Variants in TANK observed in about 807,000 individuals in gnomAD.
The protein encoded by TANK is TRAF family member-associated NF-kappa-B activator.
TANK carries 15 observed loss-of-function variants against 43.6 expected under a neutral mutation model. That is an observed-to-expected ratio of 0.34 (90% CI 0.23 to 0.53). TANK has a LOEUF of 0.53. TANK is among the 20% of genes least tolerant of loss of function. The pLI is 0.94. For synonymous variants in TANK, 162 were observed against 178.2 expected, an observed-to-expected ratio of 0.91 and a Z score of 0.73; for missense variants, 417 against 498.6, an observed-to-expected ratio of 0.84 and a Z score of 1.56.
intron 1 of TANK, among the ~76,000 whole-genome samples, chr2:161,167,492 T>C (rs866603145): frequency 4.6e-5 from 7 of 152,214 alleles, no homozygotes; most frequent in Middle Eastern, 6.8e-3. Context: ...CCTAAAGAAA[T>C]GGAGGCAAAA....
intron 4 of TANK, among the ~76,000 whole-genome samples, chr2:161,208,771 A>T (rs546002219): frequency 6.6e-6 from 1 of 152,104 alleles, no homozygotes; most frequent in Non-Finnish European, 1.5e-5. Context: ...AGCTAACTTC[A>T]CTCAAAGTAA....
intron 2 of TANK, among the ~76,000 whole-genome samples, chr2:161,194,980 A>C (rs1686080758): frequency 6.6e-6 from 1 of 152,170 alleles, no homozygotes; most frequent in South Asian, 2.1e-4. Context: ...TTTCTGATCA[A>C]AGCTTTATTT....
chr2:161,205,374 TGTGTGTGTGTG>T (rs1316959172), intron 4 of TANK, among the ~76,000 whole-genome samples: 3 of 151,934 alleles, frequency 2.0e-5, no homozygotes, highest in East Asian at 3.9e-4. Flanking sequence ...TGTACATATA[TGTGTGTGTGTG>T]GTGTGTGTGT....
At chr2:161,182,671 A>G (rs1456343801) in intron 2 of TANK, among the ~76,000 whole-genome samples, 1 of 152,110 alleles carries the variant, frequency 6.6e-6, no homozygotes, top group African/African-American at 2.4e-5. Context: ...AAGTTCCCTG[A>G]ACCCTGTCCT....
At chr2:161,232,046 T>C (rs1365688218) in intron 7 of TANK, among the ~76,000 whole-genome samples, 2 of 152,216 alleles carry the variant, frequency 1.3e-5, no homozygotes, top group Non-Finnish European at 2.9e-5. Context: ...AGTTATATAG[T>C]ACACAGATCT....
chr2:161,155,992 A>C (rs1684215257), upstream of TANK: 1 of 937,632 alleles, frequency 1.1e-6, no homozygotes, highest in African/African-American at 1.8e-5. Context: ...TTAATATTGA[A>C]ATTTTTAACA....
In TANK at chr2:161,235,635, G is replaced by T; in HGVS notation, c.*117G>T. ...ATTTATAGGAAAATCTAGTTTCACA[G>T]CTATTTGAATTTTTTTCTGGATTTA... On this transcript the variant is annotated 3_prime_UTR_variant, in exon 8 of 8. Coordinates refer to ENST00000392749, the MANE Select transcript of TANK (RefSeq NM_001199135.3). 1.2e-6 allele frequency: 1 copy of T among 823,728 alleles called. No individual in the cohort carries two copies. The highest frequency in any genetic ancestry group is 1.7e-6 in the Non-Finnish European group (1 of 576,832). 51.0% of individuals were successfully genotyped at this position (823,728 alleles called of 1,614,324 possible).
intron 7 of TANK, among the ~76,000 whole-genome samples, chr2:161,235,034 C>T (rs1029629458): frequency 6.7e-6 from 1 of 149,662 alleles, no homozygotes; most frequent in Non-Finnish European, 1.5e-5. Context: ...AGCTATTGTT[C>T]CAAAACTACT....
At chr2:161,224,440 C>A (rs1168168174) in intron 5 of TANK, among the ~76,000 whole-genome samples, 191 bp from the exon 6 acceptor site, 1 of 151,978 alleles carries the variant, frequency 6.6e-6, no homozygotes. Context: ...TTTAATTTAT[C>A]ACTTACTTTG....
chr2:161,224,349 T>A (rs973650037), intron 5 of TANK, among the ~76,000 whole-genome samples: 2 of 152,038 alleles, frequency 1.3e-5, no homozygotes, highest in African/African-American at 4.8e-5. Flanking sequence ...AAATTTCTAA[T>A]GTGAGAATAA....
At chr2:161,233,571 T>C (rs1688028032) in intron 7 of TANK, among the ~76,000 whole-genome samples, 1 of 152,148 alleles carries the variant, frequency 6.6e-6, no homozygotes. Flanking sequence ...GTATATCAGA[T>C]TATTATTGTT....
intron 2 of TANK, among the ~76,000 whole-genome samples, chr2:161,188,854 G>T (rs1419813740): frequency 6.6e-6 from 1 of 152,156 alleles, no homozygotes; most frequent in African/African-American, 2.4e-5. Flanking sequence ...AGGCCATGAG[G>T]TCTCTGCCCC....
At chr2:161,155,443 CCTT>C (rs1370347651), upstream of TANK, among the ~76,000 whole-genome samples, 1 of 152,022 alleles carries the variant, frequency 6.6e-6, no homozygotes, top group Non-Finnish European at 1.5e-5. Flanking sequence ...AATTTTGACT[CCTT>C]CTCGAATAAG....
At position 161,149,819 on chromosome 2, in the gene TANK, G is replaced by A. The variant is rs762003001; in HGVS notation, c.-50+12756G>A. ...TTTTCTTATGTTGAACCACCCTTGC[G>A]TTACAGGGATAAATCACACTTGATC... On this transcript the variant is annotated intron_variant, in intron 1 of 7. Transcript: ENST00000259075. 8.6e-5 allele frequency among the ~76,000 whole-genome samples: 13 copies of A among 151,454 alleles called. 1 individual carries two copies. In the South Asian group the frequency reaches 1.3e-3, roughly 15 times the overall value.
upstream of TANK, among the ~76,000 whole-genome samples, chr2:161,158,378 A>T (rs1030028141): frequency 4.6e-5 from 7 of 152,242 alleles, no homozygotes; most frequent in African/African-American, 7.2e-5. Context: ...AAAAATCATC[A>T]TTATAGGAAA....
intron 1 of TANK, among the ~76,000 whole-genome samples, chr2:161,148,925 G>A (rs767751594): frequency 8.5e-5 from 13 of 152,098 alleles, no homozygotes; most frequent in African/African-American, 2.7e-4. Flanking sequence ...ATTGGGAAGC[G>A]TGAGTCTTCC....
chr2:161,168,963 C>T (rs923654441), intron 1 of TANK, among the ~76,000 whole-genome samples: 2 of 152,152 alleles, frequency 1.3e-5, no homozygotes, highest in African/African-American at 4.8e-5. Context: ...CCAAAGGATC[C>T]GTTAAGTCAG....
chr2:161,198,812 C>T (rs1024979234), intron 2 of TANK, among the ~76,000 whole-genome samples: 3 of 152,064 alleles, frequency 2.0e-5, no homozygotes, highest in African/African-American at 4.8e-5. Flanking sequence ...AGCACTGTCA[C>T]CTAAAAGTAG....
intron 6 of TANK, among the ~76,000 whole-genome samples, chr2:161,225,516 G>T (rs1687570967): frequency 6.6e-6 from 1 of 152,142 alleles, no homozygotes; most frequent in Admixed American, 6.6e-5. Context: ...TAAAACCCCA[G>T]ACTGGCTTCC....
Sources: gnomAD v4.1 joint callset for allele counts (sites outside exome capture counted in the v4.1 genomes callset) on GRCh38, gnomAD v4.1.1 for gene constraint, MANE v1.5 for transcripts, NCBI Gene and HGNC (gene_info 2026-07-23, HGNC 2026-07-21) for gene names.